The following AGTPBP1 variants were observed in gnomAD, a reference collection of about 807,000 sequenced individuals.
AGTPBP1 encodes cytosolic carboxypeptidase 1.
Under a neutral mutation model 143.9 loss-of-function variants are expected in AGTPBP1, and 70 were observed. That is an observed-to-expected ratio of 0.49 (90% CI 0.40 to 0.59). The LOEUF (loss-of-function observed/expected upper bound fraction) is 0.59, where lower values mean the gene tolerates loss of function less well. Among genes scored for constraint, AGTPBP1 ranks in the 20% least tolerant of loss-of-function variants. The pLI, the probability that AGTPBP1 is intolerant of heterozygous loss-of-function variation, is 0.00. For synonymous variants in AGTPBP1, 463 were observed against 500.2 expected (o/e 0.93, Z 0.99); for missense variants, 1,229 against 1,464.5 (o/e 0.84, Z 2.62).
At chr9:85,588,149 T>C (rs1828731447) in intron 21 of AGTPBP1, 149 bp downstream of exon 21, 2 of 626,862 alleles carry the variant, frequency 3.2e-6, no homozygotes, top group Admixed American at 3.8e-5. Context: ...TGTATTTTCA[T>C]TTAAAAGTTT....
chr9:85,663,910 T>C (rs750288153), intron 8 of AGTPBP1, among the ~76,000 whole-genome samples: 1 of 152,002 alleles, frequency 6.6e-6, no homozygotes, highest in Admixed American at 6.6e-5. Context: ...CAAATGTCCA[T>C]TAAGAGGTGA....
chr9:85,779,837 G>A, the AGTPBP1 span, among the ~76,000 whole-genome samples: 4 of 152,092 alleles, frequency 2.6e-5, no homozygotes, highest in Non-Finnish European at 5.9e-5. Context: ...ACTCTACCCT[G>A]GGCAACAGGG....
Position 85,556,286 on chromosome 9 carries a change from C to G in AGTPBP1, c.3504-9000G>C, listed in dbSNP as rs796213407. On this transcript the variant is annotated intron_variant, in intron 25 of 25. Transcript: ENST00000357081. ...GGCAAGAAGAGTAATTTTTATTATA[C>G]TCTAATAAACCAAATATCCATGTTA... Among the ~76,000 whole-genome samples the G allele has an allele frequency of 2.6e-5, 4 of 151,950 alleles. No individual in the cohort carries two copies. The South Asian group carries it at 8.3e-4, about 31-fold the overall frequency.
At chr9:85,706,633 G>A (rs975814613) in intron 2 of AGTPBP1, among the ~76,000 whole-genome samples, 2 of 152,124 alleles carry the variant, frequency 1.3e-5, no homozygotes, top group African/African-American at 4.8e-5. Flanking sequence ...CACTATGGGA[G>A]GCTGAGGCGG....
intron 22 of AGTPBP1, among the ~76,000 whole-genome samples, chr9:85,586,205 C>T (rs1023167073): frequency 3.7e-5 from 5 of 134,126 alleles, no homozygotes; most frequent in Admixed American, 2.3e-4. Flanking sequence ...AACTCCATCT[C>T]GAAAAAAAAA....
chr9:85,655,018 G>T (rs576523703), intron 11 of AGTPBP1, 125 bp downstream of exon 11: 6 of 827,972 alleles, frequency 7.2e-6, no homozygotes, highest in Non-Finnish European at 1.1e-5. Flanking sequence ...AAAATAAAAT[G>T]TGAATGTTTA....
intron 13 of AGTPBP1, among the ~76,000 whole-genome samples, chr9:85,638,851 A>T (rs1832260393): frequency 6.6e-6 from 1 of 152,070 alleles, no homozygotes; most frequent in South Asian, 2.1e-4. Context: ...CAAGTGAGAA[A>T]TTTTTTCATT....
the AGTPBP1 span, among the ~76,000 whole-genome samples, chr9:85,758,580 G>A: frequency 3.3e-5 from 5 of 152,146 alleles, no homozygotes; most frequent in African/African-American, 4.8e-5. Flanking sequence ...AGAGGCAGAC[G>A]TTGCAGTGAG....
chr9:85,776,140 TTACA>T, the AGTPBP1 span, among the ~76,000 whole-genome samples: 1 of 152,210 alleles, frequency 6.6e-6, no homozygotes, highest in African/African-American at 2.4e-5. Flanking sequence ...CCAAATGCTA[TTACA>T]TAAAGTTAAC....
the AGTPBP1 span, among the ~76,000 whole-genome samples, chr9:85,755,283 G>T: frequency 6.6e-6 from 1 of 151,982 alleles, no homozygotes; most frequent in African/African-American, 2.4e-5. Flanking sequence ...TGTTGTTTTG[G>T]TGGCAGTGCT....
intron 6 of AGTPBP1, among the ~76,000 whole-genome samples, chr9:85,673,674 G>C (rs890830930): frequency 5.9e-5 from 9 of 152,004 alleles, no homozygotes; most frequent in African/African-American, 2.2e-4. Context: ...GTGGGTGAGG[G>C]GTGAAGGTTG....
chr9:85,735,801 G>T (rs1413772733), intron 1 of AGTPBP1, among the ~76,000 whole-genome samples: 1 of 152,070 alleles, frequency 6.6e-6, no homozygotes, highest in East Asian at 1.9e-4. Flanking sequence ...TTACATGTAG[G>T]CAGTGTTCAG....
chr9:85,672,348 C>CA (rs1834540024), intron 7 of AGTPBP1, among the ~76,000 whole-genome samples: 1 of 152,030 alleles, frequency 6.6e-6, no homozygotes, highest in Non-Finnish European at 1.5e-5. Context: ...GGATTACAGG[C>CA]ATGAGCCACC....
At chr9:85,642,461 T>C (rs576060290) in intron 13 of AGTPBP1, among the ~76,000 whole-genome samples, 2 of 152,024 alleles carry the variant, frequency 1.3e-5, no homozygotes, top group African/African-American at 4.8e-5. Flanking sequence ...CCCAAGTAAC[T>C]GGGACTGCAG....
chr9:85,628,967 G>A (rs1334301193), intron 14 of AGTPBP1, among the ~76,000 whole-genome samples: 2 of 151,904 alleles, frequency 1.3e-5, no homozygotes, highest in Admixed American at 6.6e-5. Context: ...CACCCACCTC[G>A]GCCTCCCAAA....
Position 85,741,914 on chromosome 9 carries a change from CGGCGGCAGCTGCGGCGGCGGCGCTGGA to C in AGTPBP1, c.-200_-174del. ...GTGGCAGGCGAGGCGGAGGCGGCGG[CGGCGGCAGCTGCGGCGGCGGCGCTGGA>C]GGCGGCGGAACCTGTCCGCATCCCG... On this transcript the variant is annotated 5_prime_UTR_variant, in exon 1 of 26. Transcript: ENST00000357081. The C allele has an allele frequency of 7.5e-7, 1 of 1,327,374 alleles. No individual in the cohort carries two copies. The highest frequency in any genetic ancestry group is 9.6e-7 in the Non-Finnish European group (1 of 1,043,132). The allele number at this position is 1,327,374 out of a possible 1,614,324, so 82.2% of individuals were successfully genotyped here.
chr9:85,663,387 T>C (rs1476102276), intron 8 of AGTPBP1, among the ~76,000 whole-genome samples: 1 of 152,086 alleles, frequency 6.6e-6, no homozygotes. Flanking sequence ...GCCTCAGTAG[T>C]GGGGAAAAAT....
chr9:85,721,154 TAG>T (rs1390323810), intron 1 of AGTPBP1, among the ~76,000 whole-genome samples: 1 of 152,254 alleles, frequency 6.6e-6, no homozygotes, highest in Non-Finnish European at 1.5e-5. Context: ...TGATTTGGGA[TAG>T]AGAGTTCTGT....
In AGTPBP1 at chr9:85,592,626, A is replaced by G. The variant is rs1829043266; in HGVS notation, c.2502T>C (p.Asn834=). 6.2e-7 allele frequency: 1 copy of G among 1,612,444 alleles called. No homozygotes were observed. Among genetic ancestry groups the G allele is most frequent in the African/African-American group, 1.3e-5 (1 of 74,860 alleles). Residue 834 remains asparagine, a synonymous_variant, in exon 19 of 26, where the codon AAT becomes AAC. Coordinates refer to ENST00000357081, the MANE Select transcript of AGTPBP1 (RefSeq NM_001330701.2). ...KSYYTITFTV[N]FPHKDDVCYF... ...AGCAAACATCATCTTTATGTGGAAA[A>G]TTGACAGTAAATGTAATTGTATAGT...
Sources: allele counts gnomAD v4.1 joint callset (sites outside exome capture counted in the v4.1 genomes callset), GRCh38; gene constraint gnomAD v4.1.1; transcripts MANE v1.5; gene names NCBI Gene and HGNC (gene_info 2026-07-23, HGNC 2026-07-21).